RARB: variants seen among roughly 807,000 people sequenced by gnomAD.
RARB encodes retinoic acid receptor beta, also known as HBV-activated protein.
A neutral mutation model predicts 51.9 loss-of-function variants in RARB; 17 were observed. The ratio of observed to expected loss-of-function variants is 0.33; its 90% confidence interval spans 0.22 to 0.49. The LOEUF is 0.49. Among genes scored for constraint, RARB ranks in the 20% least tolerant of loss-of-function variants. The pLI is 0.99. For missense variants in RARB, 369 were observed against 550.8 expected, an observed-to-expected ratio of 0.67 and a Z score of 3.30; for synonymous variants, 215 against 195.4, an observed-to-expected ratio of 1.10 and a Z score of -0.84.
At chr3:25,555,179 TATTTA>T (rs1285997825) in intron 3 of RARB, among the ~76,000 whole-genome samples, 1 of 152,246 alleles carries the variant, frequency 6.6e-6, no homozygotes, top group Non-Finnish European at 1.5e-5. Context: ...CTAGCTTGTT[TATTTA>T]ATTTATGGGA....
At chr3:25,097,713 C>T (rs775006001) in intron 3 of RARB, among the ~76,000 whole-genome samples, 1 of 152,142 alleles carries the variant, frequency 6.6e-6, no homozygotes, top group Non-Finnish European at 1.5e-5. Flanking sequence ...GGACATGTCC[C>T]AGACCAGTTC....
chr3:24,919,679 T>G (rs922297372), intron 2 of RARB, among the ~76,000 whole-genome samples: 1 of 152,256 alleles, frequency 6.6e-6, no homozygotes, highest in East Asian at 1.9e-4. Flanking sequence ...GGTTTCTTTT[T>G]GAACAGTTGT....
At chr3:25,341,757 C>G (rs1705234304) in intron 5 of RARB, among the ~76,000 whole-genome samples, 1 of 152,128 alleles carries the variant, frequency 6.6e-6, no homozygotes, top group Non-Finnish European at 1.5e-5. Flanking sequence ...AAACCTCCCA[C>G]TATGAGCAAA....
intron 3 of RARB, among the ~76,000 whole-genome samples, chr3:25,087,205 T>C (rs1699120191): frequency 6.6e-6 from 1 of 152,154 alleles, no homozygotes; most frequent in Non-Finnish European, 1.5e-5. Context: ...GGAAGGTATA[T>C]TGAGGCCTGT....
chr3:25,566,122 CTG>C (rs2125683928), intron 3 of RARB, among the ~76,000 whole-genome samples: 1 of 152,342 alleles, frequency 6.6e-6, no homozygotes, highest in East Asian at 1.9e-4. Context: ...TTCTTGTGCA[CTG>C]TGTCACCTCC....
chr3:25,066,534 C>T (rs538664306), intron 3 of RARB, among the ~76,000 whole-genome samples: 3 of 152,138 alleles, frequency 2.0e-5, no homozygotes, highest in South Asian at 2.1e-4. Flanking sequence ...CTATGTCAGT[C>T]GCCTTTGACA....
chr3:25,398,042 C>G (rs1707163654), intron 5 of RARB, among the ~76,000 whole-genome samples: 1 of 152,026 alleles, frequency 6.6e-6, no homozygotes, highest in African/African-American at 2.4e-5. Flanking sequence ...GAAATTTCCC[C>G]TAATTTGGGG....
At chr3:25,539,664 AAG>A (rs1328484551) in intron 3 of RARB, among the ~76,000 whole-genome samples, 1 of 148,732 alleles carries the variant, frequency 6.7e-6, no homozygotes, top group Non-Finnish European at 1.5e-5. Flanking sequence ...ATCCTAAAAT[AAG>A]AGAGTCCCAT....
rs375193706 is a variant in RARB, at chr3:25,104,379, T to A, written c.-327-27782T>A. Among the ~76,000 whole-genome samples the A allele has an allele frequency of 5.9e-5, 9 of 152,242 alleles. No homozygotes were observed. The South Asian group carries it at 1.0e-3, about 18-fold the overall frequency. Reference sequence around the variant, plus strand: ...CCATTCCTAGGTATAAATAGGCACTTTGGAAGGCCGGGGATGGGGGTGGAG... The same window carrying A: ...CCATTCCTAGGTATAAATAGGCACTATGGAAGGCCGGGGATGGGGGTGGAG... On this transcript the variant is annotated intron_variant, in intron 3 of 11. Transcript: ENST00000383772.
chr3:25,287,923 G>A (rs1200183002), intron 5 of RARB, among the ~76,000 whole-genome samples: 6 of 152,026 alleles, frequency 3.9e-5, no homozygotes, highest in African/African-American at 1.4e-4. Context: ...CTCTATGTAA[G>A]ATCACAAACT....
At chr3:25,240,860 A>G (rs543421924) in intron 5 of RARB, among the ~76,000 whole-genome samples, 1 of 152,272 alleles carries the variant, frequency 6.6e-6, no homozygotes, top group South Asian at 2.1e-4. Flanking sequence ...AATGAATTAG[A>G]GAAAATTTCT....
intron 1 of RARB, among the ~76,000 whole-genome samples, chr3:24,836,080 G>A (rs1702341504): frequency 6.6e-6 from 1 of 152,160 alleles, no homozygotes; most frequent in Non-Finnish European, 1.5e-5. Context: ...ACATTTTTAG[G>A]TAAGCATGGT....
chr3:25,282,332 C>G (rs946408637), intron 5 of RARB, among the ~76,000 whole-genome samples: 2 of 152,308 alleles, frequency 1.3e-5, no homozygotes, highest in East Asian at 1.9e-4. Flanking sequence ...CCCTCAGATA[C>G]CACATGGCTT....
chr3:25,231,013 T>C (rs1423621323), intron 5 of RARB, among the ~76,000 whole-genome samples: 2 of 152,116 alleles, frequency 1.3e-5, no homozygotes, highest in Admixed American at 6.6e-5. Context: ...ATCTCTAAAA[T>C]ATTAGGAAAA....
intron 2 of RARB, among the ~76,000 whole-genome samples, chr3:24,954,793 C>T (rs1210534334): frequency 2.6e-5 from 4 of 152,164 alleles, no homozygotes; most frequent in Non-Finnish European, 4.4e-5. Context: ...GTTCCTTTGA[C>T]TCCCTCATAA....
chr3:25,386,919 A>C (rs1706812539), intron 5 of RARB, among the ~76,000 whole-genome samples: 1 of 152,194 alleles, frequency 6.6e-6, no homozygotes, highest in Admixed American at 6.5e-5. Context: ...CTGAAATTTC[A>C]TTCTGTGGGC....
At chr3:24,873,459 A>C (rs575853042) in intron 2 of RARB, among the ~76,000 whole-genome samples, 8 of 152,132 alleles carry the variant, frequency 5.3e-5, no homozygotes, top group African/African-American at 1.7e-4. Context: ...AAACATTAAT[A>C]TATTATTCCA....
chr3:25,161,116 G>A (rs1423377554), intron 4 of RARB, among the ~76,000 whole-genome samples: 2 of 151,836 alleles, frequency 1.3e-5, no homozygotes, highest in African/African-American at 4.8e-5. Flanking sequence ...GGGTTCAAGC[G>A]ATTCTCCTGC....
At chr3:24,853,560 T>C (rs1443407024) in intron 1 of RARB, among the ~76,000 whole-genome samples, 2 of 152,148 alleles carry the variant, frequency 1.3e-5, no homozygotes, top group Non-Finnish European at 2.9e-5. Context: ...CAGCAGAGGA[T>C]ACTAACATCT....
Sources: gnomAD v4.1 joint callset for allele counts (sites outside exome capture counted in the v4.1 genomes callset) on GRCh38, gnomAD v4.1.1 for gene constraint, MANE v1.5 for transcripts, NCBI Gene and HGNC (gene_info 2026-07-23, HGNC 2026-07-21) for gene names.